The following RIT2 variants were observed in gnomAD, a reference collection of about 807,000 sequenced individuals.
RIT2 encodes Ras like without CAAX 2.
In RIT2, 24 loss-of-function variants were observed where a neutral mutation model predicts 23.7. That is an observed-to-expected ratio of 1.01 (90% CI 0.73 to 1.43). The LOEUF is 1.43. Among genes scored for constraint, RIT2 ranks in the 40% most tolerant of loss-of-function variants. The pLI is 0.00. For synonymous variants in RIT2, 107 were observed against 91.1 expected, an observed-to-expected ratio of 1.17 and a Z score of -0.99; for missense variants, 236 against 266.9, an observed-to-expected ratio of 0.88 and a Z score of 0.81.
intron 1 of RIT2, among the ~76,000 whole-genome samples, chr18:43,066,224 G>C (rs1045950391): frequency 2.0e-5 from 3 of 152,166 alleles, no homozygotes; most frequent in Non-Finnish European, 4.4e-5. Context: ...CTGAAACCAA[G>C]TGGTAAGTCT....
intron 4 of RIT2, among the ~76,000 whole-genome samples, chr18:42,867,108 C>G (rs1297383973): frequency 6.6e-6 from 1 of 152,112 alleles, no homozygotes; most frequent in Non-Finnish European, 1.5e-5. Context: ...AGGGAGGCTT[C>G]TTTATAATCT....
chr18:43,055,447 C>T (rs1912478302), intron 1 of RIT2, among the ~76,000 whole-genome samples: 1 of 152,092 alleles, frequency 6.6e-6, no homozygotes, highest in African/African-American at 2.4e-5. Flanking sequence ...TTAGTTAAGA[C>T]AATCTCTCAA....
chr18:42,897,328 G>A (rs1908355905), intron 4 of RIT2, among the ~76,000 whole-genome samples: 1 of 152,174 alleles, frequency 6.6e-6, no homozygotes, highest in Non-Finnish European at 1.5e-5. Context: ...GTTGACAGTG[G>A]GAAAGGTTAG....
chr18:43,021,069 AGAGAC>A (rs1211479199), intron 2 of RIT2, among the ~76,000 whole-genome samples: 2 of 152,154 alleles, frequency 1.3e-5, no homozygotes, highest in Admixed American at 1.3e-4. Flanking sequence ...AACAAAATGA[AGAGAC>A]AACCTGTTGA....
intron 4 of RIT2, among the ~76,000 whole-genome samples, chr18:42,851,733 C>T (rs759194105): frequency 2.0e-5 from 3 of 152,068 alleles, no homozygotes; most frequent in Non-Finnish European, 4.4e-5. Context: ...GCGTATAGTC[C>T]CAGCTACTCC....
chr18:42,746,769 G>A (rs983621074), intron 4 of RIT2, among the ~76,000 whole-genome samples: 1 of 151,720 alleles, frequency 6.6e-6, no homozygotes, highest in Non-Finnish European at 1.5e-5. Flanking sequence ...ATCCAGGAAA[G>A]GACATAACAA....
At chr18:43,034,319 T>C (rs994830382) in intron 1 of RIT2, among the ~76,000 whole-genome samples, 5 of 152,206 alleles carry the variant, frequency 3.3e-5, no homozygotes, top group African/African-American at 1.2e-4. Context: ...TATAAAGATA[T>C]GTAATTACAT....
chr18:42,861,474 A>G (rs1227312208), intron 4 of RIT2, among the ~76,000 whole-genome samples: 1 of 152,168 alleles, frequency 6.6e-6, no homozygotes, highest in African/African-American at 2.4e-5. Flanking sequence ...CTCATTGGGT[A>G]CTTATTTCAG....
intron 3 of RIT2, among the ~76,000 whole-genome samples, chr18:42,936,873 T>G (rs1909472658): frequency 6.6e-6 from 1 of 151,836 alleles, no homozygotes; most frequent in African/African-American, 2.4e-5. Flanking sequence ...GTAGCCGGGC[T>G]TTGTGGTGCA....
chr18:43,023,859 A>C (rs1215903389), intron 2 of RIT2, among the ~76,000 whole-genome samples: 1 of 152,114 alleles, frequency 6.6e-6, no homozygotes, highest in African/African-American at 2.4e-5. Flanking sequence ...CATGTTTGAA[A>C]AAAAGGCATT....
chr18:42,835,289 G>T (rs1316770685), intron 4 of RIT2, among the ~76,000 whole-genome samples: 1 of 151,616 alleles, frequency 6.6e-6, no homozygotes, highest in Non-Finnish European at 1.5e-5. Flanking sequence ...ATATTAATTT[G>T]TTCTACTACA....
intron 2 of RIT2, among the ~76,000 whole-genome samples, chr18:43,019,354 T>A (rs1249313118): frequency 6.6e-6 from 1 of 152,000 alleles, no homozygotes; most frequent in Admixed American, 6.6e-5. Context: ...AAGTGGCATT[T>A]ATTCCAGAGA....
intron 4 of RIT2, among the ~76,000 whole-genome samples, chr18:42,815,442 T>C (rs1208263676): frequency 1.3e-5 from 2 of 152,126 alleles, no homozygotes; most frequent in Admixed American, 6.6e-5. Flanking sequence ...TGAGAAAATA[T>C]GAACAAAGCC....
At chr18:42,859,849 G>A (rs561040462) in intron 4 of RIT2, among the ~76,000 whole-genome samples, 29 of 151,210 alleles carry the variant, frequency 1.9e-4, no homozygotes, top group Admixed American at 4.0e-4. Flanking sequence ...TGCTCACTGC[G>A]ACCTCCACCT....
rs1227105126 is a variant in RIT2, at chr18:43,012,561, AT to A, written c.160+21249del. ...AGTATCTGTATTTCTACCTTTTCTG[AT>A]TTTTAAGTGTTCTCTATACTCATTT... On this transcript the variant is annotated intron_variant, in intron 2 of 4. Transcript: ENST00000326695. Among the ~76,000 whole-genome samples, 3 of 151,734 alleles carry A rather than the reference AT, an allele frequency of 2.0e-5. No individual in the cohort carries two copies. The East Asian group carries it at 5.8e-4, about 30-fold the overall frequency.
At chr18:42,833,413 C>T (rs1906514552) in intron 4 of RIT2, among the ~76,000 whole-genome samples, 1 of 152,070 alleles carries the variant, frequency 6.6e-6, no homozygotes, top group Non-Finnish European at 1.5e-5. Flanking sequence ...TGATTCCATA[C>T]CATTGCTGTT....
chr18:43,036,859 A>C (rs1487047640), intron 1 of RIT2, among the ~76,000 whole-genome samples: 1 of 152,210 alleles, frequency 6.6e-6, no homozygotes, highest in Non-Finnish European at 1.5e-5. Flanking sequence ...ATTTATAAAA[A>C]ACAATTTTTG....
intron 1 of RIT2, among the ~76,000 whole-genome samples, chr18:43,089,008 T>G (rs1913354002): frequency 6.6e-6 from 1 of 152,112 alleles, no homozygotes; most frequent in Admixed American, 6.6e-5. Flanking sequence ...TAGTTGTGTG[T>G]GTACACATGT....
At chr18:42,942,679 T>A (rs1179456730) in intron 3 of RIT2, among the ~76,000 whole-genome samples, 1 of 152,112 alleles carries the variant, frequency 6.6e-6, no homozygotes, top group African/African-American at 2.4e-5. Flanking sequence ...AATAGCTCTA[T>A]CCTGAGTAAG....
Sources: gnomAD v4.1 joint callset for allele counts (sites outside exome capture counted in the v4.1 genomes callset) on GRCh38, gnomAD v4.1.1 for gene constraint, MANE v1.5 for transcripts, NCBI Gene and HGNC (gene_info 2026-07-23, HGNC 2026-07-21) for gene names.